NCOA2: variants seen among roughly 807,000 people sequenced by gnomAD.
NCOA2 encodes class E basic helix-loop-helix protein 75.
Under a neutral mutation model 145.1 loss-of-function variants are expected in NCOA2, and 21 were observed. That is an observed-to-expected ratio of 0.14 (90% confidence interval 0.10 to 0.21). The LOEUF is 0.21. NCOA2 is among the 10% of genes least tolerant of loss of function. The pLI is 1.00. For synonymous variants in NCOA2, 619 were observed against 637.5 expected, an observed-to-expected ratio of 0.97 and a Z score of 0.44; for missense variants, 1,472 against 1,837.6, an observed-to-expected ratio of 0.80 and a Z score of 3.64.
chr8:70,437,108 T>C, the NCOA2 span, among the ~76,000 whole-genome samples: 4 of 152,354 alleles, frequency 2.6e-5, no homozygotes, highest in Non-Finnish European at 4.4e-5. Context: ...CCCATCTTAG[T>C]TCCTGGTACC....
At chr8:70,345,631 G>C (rs942446933) in intron 1 of NCOA2, among the ~76,000 whole-genome samples, 2 of 152,094 alleles carry the variant, frequency 1.3e-5, no homozygotes, top group Non-Finnish European at 2.9e-5. Context: ...TCAACTTATT[G>C]TGCTTAGTAT....
intron 1 of NCOA2, among the ~76,000 whole-genome samples, chr8:70,329,237 C>T (rs745369516): frequency 2.6e-5 from 4 of 152,112 alleles, no homozygotes; most frequent in Non-Finnish European, 5.9e-5. Flanking sequence ...CCACCTCAGC[C>T]TCCTAAGTAG....
At chr8:70,215,046 C>G (rs1819454020) in intron 3 of NCOA2, among the ~76,000 whole-genome samples, 1 of 152,228 alleles carries the variant, frequency 6.6e-6, no homozygotes, top group Non-Finnish European at 1.5e-5. Context: ...TACAATGTCT[C>G]TATTTTATAG....
At chr8:70,229,669 G>C (rs1195698764) in intron 2 of NCOA2, among the ~76,000 whole-genome samples, 1 of 152,146 alleles carries the variant, frequency 6.6e-6, no homozygotes. Flanking sequence ...ACTGAGTGCT[G>C]ACTGCATCCT....
intron 9 of NCOA2, 43 bp downstream of exon 9, chr8:70,162,642 CCAGGAATCATTGACAGAAAGCTCCCA>C: frequency 6.7e-7 from 1 of 1,498,144 alleles, no homozygotes; most frequent in Non-Finnish European, 9.1e-7. Flanking sequence ...AAGGTGAACT[CCAGGAATCATTGACAGAAAGCTCCCA>C]CAGGAAGCAA....
chr8:70,370,577 T>TA (rs754552899), intron 1 of NCOA2, among the ~76,000 whole-genome samples: 4 of 152,148 alleles, frequency 2.6e-5, no homozygotes, highest in African/African-American at 4.8e-5. Context: ...TTCACCTGGA[T>TA]ATGTTCTAAG....
upstream of NCOA2, chr8:70,403,847 CCCT>C (rs528610374): frequency 0.021 from 7,880 of 367,228 alleles, 43 homozygotes; most frequent in African/African-American, 0.041. Context: ...TCCCCCAACT[CCCT>C]CCTCCTCCTC....
intron 1 of NCOA2, among the ~76,000 whole-genome samples, chr8:70,315,167 A>C (rs1392410868): frequency 6.6e-6 from 1 of 152,220 alleles, no homozygotes; most frequent in East Asian, 1.9e-4. Context: ...ATGATACAAA[A>C]GTCATTCTAT....
At chr8:70,204,619 G>C (rs900714664) in intron 4 of NCOA2, among the ~76,000 whole-genome samples, 6 of 152,106 alleles carry the variant, frequency 3.9e-5, no homozygotes, top group Non-Finnish European at 7.4e-5. Flanking sequence ...CATTACACAA[G>C]GCTGAATAAA....
At chr8:70,314,206 A>AGC (rs1478225073) in intron 1 of NCOA2, among the ~76,000 whole-genome samples, 1 of 147,046 alleles carries the variant, frequency 6.8e-6, no homozygotes, top group African/African-American at 2.5e-5. Flanking sequence ...AAAAAAAAAA[A>AGC]AAGCAACTGT....
chr8:70,322,452 A>C (rs1806164922), intron 1 of NCOA2, among the ~76,000 whole-genome samples: 1 of 152,190 alleles, frequency 6.6e-6, no homozygotes, highest in African/African-American at 2.4e-5. Context: ...CATAAGCAAT[A>C]CCATAAGGGC....
At chr8:70,260,797 G>A (rs1162845147) in intron 2 of NCOA2, among the ~76,000 whole-genome samples, 1 of 152,140 alleles carries the variant, frequency 6.6e-6, no homozygotes, top group Non-Finnish European at 1.5e-5. Flanking sequence ...TGGACTGTCT[G>A]AACAGACACT....
chr8:70,225,773 A>C (rs1199675826), intron 2 of NCOA2, among the ~76,000 whole-genome samples: 1 of 152,168 alleles, frequency 6.6e-6, no homozygotes, highest in Non-Finnish European at 1.5e-5. Context: ...TCATATGAAA[A>C]GCGGTACAAT....
At chr8:70,119,910 C>T (rs540683696) in intron 22 of NCOA2, among the ~76,000 whole-genome samples, 1 of 151,418 alleles carries the variant, frequency 6.6e-6, no homozygotes, top group African/African-American at 2.4e-5. Context: ...CACTCTGTCA[C>T]CTAGGCTGGA....
chr8:70,181,044 T>C (rs1585986382), intron 4 of NCOA2, among the ~76,000 whole-genome samples: 1 of 152,374 alleles, frequency 6.6e-6, no homozygotes, highest in African/African-American at 2.4e-5. Context: ...TTTATTAATT[T>C]TGGTAGCTTA....
intron 2 of NCOA2, among the ~76,000 whole-genome samples, chr8:70,242,059 T>C (rs1822182619): frequency 6.6e-6 from 1 of 152,138 alleles, no homozygotes; most frequent in South Asian, 2.1e-4. Flanking sequence ...CAATACTATG[T>C]TTATTTATCA....
chr8:70,367,800 C>T (rs1003272287), intron 1 of NCOA2, among the ~76,000 whole-genome samples: 1 of 152,164 alleles, frequency 6.6e-6, no homozygotes, highest in Non-Finnish European at 1.5e-5. Context: ...CAAGCCATAC[C>T]ATGATTTCAA....
At chr8:70,126,476 T>C (rs767645693) in intron 19 of NCOA2, 3 of 280,880 alleles carry the variant, frequency 1.1e-5, no homozygotes, top group Non-Finnish European at 2.0e-5. Flanking sequence ...TATAAACATA[T>C]ATGAACTTGT....
intron 1 of NCOA2, among the ~76,000 whole-genome samples, chr8:70,395,040 A>T (rs545554328): frequency 6.6e-6 from 1 of 152,346 alleles, no homozygotes; most frequent in East Asian, 1.9e-4. Context: ...TCATGATCAG[A>T]CATGATCTAC....
Sources: allele counts gnomAD v4.1 joint callset (sites outside exome capture counted in the v4.1 genomes callset), GRCh38; gene constraint gnomAD v4.1.1; transcripts MANE v1.5; gene names NCBI Gene and HGNC (gene_info 2026-07-23, HGNC 2026-07-21).